DHRS3: variants seen among roughly 807,000 people sequenced by gnomAD.
DHRS3 encodes dehydrogenase/reductase 3.
DHRS3 carries 14 observed loss-of-function variants against 27.2 expected under a neutral mutation model. The observed-to-expected ratio is 0.52, with a 90% CI of 0.34 to 0.81. DHRS3 has a LOEUF of 0.81. DHRS3 is among the 30% of genes least tolerant of loss of function. The probability of loss-of-function intolerance (pLI) is 0.01; values close to 1 mark genes in which losing one functional copy is unlikely to be tolerated. For missense variants in DHRS3, 322 were observed against 406.2 expected, an observed-to-expected ratio of 0.79 and a Z score of 1.78; for synonymous variants, 165 against 175.9, an observed-to-expected ratio of 0.94 and a Z score of 0.49.
At chr1:12,576,418 T>G (rs542627071) in intron 4 of DHRS3, among the ~76,000 whole-genome samples, 15 of 152,006 alleles carry the variant, frequency 9.9e-5, no homozygotes, top group African/African-American at 3.6e-4. Flanking sequence ...AAAAATTAGC[T>G]GGGCGTGGTG....
intron 1 of DHRS3, among the ~76,000 whole-genome samples, chr1:12,583,739 T>C (rs1292575601): frequency 6.7e-6 from 1 of 148,394 alleles, no homozygotes; most frequent in African/African-American, 2.5e-5. Context: ...CATGCATCCA[T>C]CCATGCACTC....
At chr1:12,569,628 C>T (rs892396992) in intron 5 of DHRS3, among the ~76,000 whole-genome samples, 4 of 152,138 alleles carry the variant, frequency 2.6e-5, no homozygotes, top group Middle Eastern at 3.4e-3. Flanking sequence ...TGCAGTGGTG[C>T]GATCTGGGGT....
chr1:12,595,032 G>A (rs780337043), intron 1 of DHRS3, among the ~76,000 whole-genome samples: 8 of 152,174 alleles, frequency 5.3e-5, no homozygotes, highest in Non-Finnish European at 1.2e-4. Flanking sequence ...AGCCCCAGGT[G>A]TGCAGGAAGA....
rs1646888793 is a variant in DHRS3 at position 12,608,928 on chromosome 1, T to C, written c.195+8226A>G. Among the ~76,000 whole-genome samples the C allele has an allele frequency of 6.6e-6, 1 of 152,160 alleles. No individual in the cohort carries two copies. The highest frequency in any genetic ancestry group is 6.5e-5 in the Admixed American group (1 of 15,284). On this transcript the variant is annotated intron_variant, in intron 1 of 5. Transcript: ENST00000616661. This position sits in a 1 kb window ranked among gnomAD's most constrained non-coding sequence, Gnocchi z 4.1. ...CAACCTAAGTCATGGCTTCTAGCCC[T>C]TGTCACCCAGCCTGCTCCCTGGATA... is the stretch of plus-strand genomic sequence containing the variant.
intron 4 of DHRS3, among the ~76,000 whole-genome samples, chr1:12,573,813 G>T (rs1383975302): frequency 6.6e-6 from 1 of 152,224 alleles, no homozygotes; most frequent in Non-Finnish European, 1.5e-5. Flanking sequence ...CTACGTGCCA[G>T]ACTCATGTAC....
chr1:12,580,360 A>G lies in DHRS3; in HGVS notation c.339+163T>C, dbSNP rs1646632552. The G allele has an allele frequency of 3.5e-6, 3 of 854,450 alleles. No individual in the cohort carries two copies. In the Admixed American group the frequency reaches 6.1e-5, roughly 17 times the overall value. The allele number at this position is 854,450 out of a possible 1,614,324, so 52.9% of individuals were successfully genotyped here. A position where few individuals can be genotyped will look rare whatever the true frequency, so the allele number is the denominator to read the frequency against. ...ACGTAATCAACCCTAATCCCTGCCT[A>G]TGTAACTGGGGCCAGCTTCATGGGA... On this transcript the variant is annotated intron_variant, in intron 2 of 5. Transcript: ENST00000616661.
chr1:12,609,385 G>A (rs746266043), intron 1 of DHRS3, among the ~76,000 whole-genome samples: 15 of 152,180 alleles, frequency 9.9e-5, no homozygotes, highest in Non-Finnish European at 1.8e-4. Flanking sequence ...GAGCAGGGCT[G>A]CCCAGCAGAG....
chr1:12,600,331 G>A, intron 1 of DHRS3: 1 of 984,944 alleles, frequency 1.0e-6, no homozygotes, highest in Non-Finnish European at 1.2e-6. Flanking sequence ...TGAGCCCTCG[G>A]AGGGCACCAT....
chr1:12,601,063 A>G (rs546430993), intron 1 of DHRS3, among the ~76,000 whole-genome samples: 4 of 152,186 alleles, frequency 2.6e-5, no homozygotes, highest in African/African-American at 9.6e-5. Flanking sequence ...GGGCTGCCTG[A>G]TACAGGCAGG....
intron 1 of DHRS3, among the ~76,000 whole-genome samples, chr1:12,600,112 AT>A (rs1039233119): frequency 3.9e-5 from 6 of 152,204 alleles, no homozygotes; most frequent in African/African-American, 1.4e-4. Context: ...AAGAGCCAGC[AT>A]ATGAACTTTG....
intron 1 of DHRS3, among the ~76,000 whole-genome samples, chr1:12,601,175 C>T (rs919108790): frequency 2.6e-5 from 4 of 152,056 alleles, no homozygotes; most frequent in African/African-American, 9.7e-5. Context: ...ATTGTATCCC[C>T]CCATCTGCCC....
At position 12,594,163 on chromosome 1, in the gene DHRS3, C is replaced by T. The variant is rs1409817311; in HGVS notation, c.196-13497G>A. Among the ~76,000 whole-genome samples the T allele has an allele frequency of 6.6e-6, 1 of 152,166 alleles. No individual in the cohort carries two copies. The highest frequency in any genetic ancestry group is 1.5e-5 in the Non-Finnish European group (1 of 68,026). ...CACACATCTCCAGATTACTGTCCACCGGGGTGGGATTCAAATTTGGACAGT... is the reference window on the plus strand; with the variant it reads ...CACACATCTCCAGATTACTGTCCACTGGGGTGGGATTCAAATTTGGACAGT... On this transcript the variant is annotated intron_variant, in intron 1 of 5. Coordinates refer to ENST00000616661, the MANE Select transcript of DHRS3 (RefSeq NM_004753.7). This position sits in a 1 kb window ranked among gnomAD's most constrained non-coding sequence, Gnocchi z 4.1.
chr1:12,610,468 C>T (rs567274452), intron 1 of DHRS3, among the ~76,000 whole-genome samples: 1 of 152,266 alleles, frequency 6.6e-6, no homozygotes, highest in African/African-American at 2.4e-5. Context: ...ATCTGCTTTG[C>T]TCCCTGCATG....
intron 1 of DHRS3, among the ~76,000 whole-genome samples, chr1:12,588,242 CACA>C (rs70987257): frequency 0.041 from 6,289 of 152,268 alleles, 418 homozygotes; most frequent in African/African-American, 0.13. Flanking sequence ...CCAGCCTCCC[CACA>C]ACAACAACAG....
intron 5 of DHRS3, among the ~76,000 whole-genome samples, chr1:12,569,223 T>TCACACACACACA (rs779404982): frequency 8.3e-6 from 1 of 120,142 alleles, no homozygotes; most frequent in African/African-American, 3.9e-5. Flanking sequence ...GTCCCCTCTC[T>TCACACACACACA]CTCTCTCTCA....
intron 1 of DHRS3, among the ~76,000 whole-genome samples, chr1:12,599,990 T>C (rs1646824216): frequency 6.6e-6 from 1 of 152,158 alleles, no homozygotes; most frequent in South Asian, 2.1e-4. Context: ...AAAGACTGGT[T>C]GGAAGCCCCC....
At chr1:12,613,311 G>A (rs761391135) in intron 1 of DHRS3, among the ~76,000 whole-genome samples, 31 of 152,302 alleles carry the variant, frequency 2.0e-4, no homozygotes, top group African/African-American at 6.5e-4. Flanking sequence ...GTAGTAAGCC[G>A]TCAAGTTTGT....
At position 12,591,498 on chromosome 1, in the gene DHRS3, C is replaced by A. The variant is rs1646745307; in HGVS notation, c.196-10832G>T. On this transcript the variant is annotated intron_variant, in intron 1 of 5. Coordinates refer to ENST00000616661, the MANE Select transcript of DHRS3 (RefSeq NM_004753.7). The surrounding 1 kb of genome is among the most constrained non-coding windows in gnomAD (Gnocchi z 4.1). The stretch of plus-strand genomic sequence containing the variant: ...CCCTCCCACAAGTCCCTGACCGCAA[C>A]CTGGAGCAGGGCAGAGACTTCCTCC... Among the ~76,000 whole-genome samples the A allele has an allele frequency of 6.6e-6, 1 of 152,230 alleles. No individual in the cohort carries two copies. The highest frequency in any genetic ancestry group is 1.5e-5 in the Non-Finnish European group (1 of 68,042).
At chr1:12,572,935 G>A in intron 4 of DHRS3, 82 bp from the exon 5 acceptor site, 1 of 1,468,920 alleles carries the variant, frequency 6.8e-7, no homozygotes, top group Non-Finnish European at 9.0e-7. Flanking sequence ...TGACATGTCT[G>A]GGTCACCCTT....
Sources: gnomAD v4.1 joint callset for allele counts (sites outside exome capture counted in the v4.1 genomes callset) on GRCh38, gnomAD v4.1.1 for gene constraint, Gnocchi (gnomAD v3.1) non-coding constraint, MANE v1.5 for transcripts, NCBI Gene and HGNC (gene_info 2026-07-23, HGNC 2026-07-21) for gene names.